NBPF10: variants seen among roughly 807,000 people sequenced by gnomAD.
NBPF10 encodes the protein NBPF family member NBPF10.
Under a neutral mutation model 77.9 loss-of-function variants are expected in NBPF10, and 63 were observed. The ratio of observed to expected loss-of-function variants is 0.81; its 90% CI spans 0.66 to 1.00. The LOEUF is 1.00. NBPF10 is among the 50% of genes least tolerant of loss of function. The pLI is 0.00. For missense variants in NBPF10, 522 were observed against 679.8 expected, an observed-to-expected ratio of 0.77 and a Z score of 2.58; for synonymous variants, 146 against 264.5, an observed-to-expected ratio of 0.55 and a Z score of 4.35.
intron 3 of NBPF10, among the ~76,000 whole-genome samples, chr1:146,140,789 G>A (rs1660214979): frequency 8.3e-6 from 1 of 119,872 alleles, no homozygotes; most frequent in African/African-American, 2.7e-5. Context: ...AAGACCTTTT[G>A]CTTCCCATAT....
chr1:146,139,123 GGA>G (rs1257655677), intron 5 of NBPF10, among the ~76,000 whole-genome samples: 1 of 118,252 alleles, frequency 8.5e-6, no homozygotes, highest in Non-Finnish European at 1.7e-5. Flanking sequence ...TTTTTGAGAT[GGA>G]GTCTCGCTCT....
chr1:146,066,949 C>A (rs1406392476), intron 89 of NBPF10, among the ~76,000 whole-genome samples: 2 of 144,782 alleles, frequency 1.4e-5, no homozygotes, highest in Admixed American at 7.1e-5. Flanking sequence ...GATGCAGTGG[C>A]CATGAGAGTA....
At chr1:146,126,620 C>CACACACAT (rs1658714845) in intron 13 of NBPF10, among the ~76,000 whole-genome samples, 1 of 143,086 alleles carries the variant, frequency 7.0e-6, no homozygotes, top group Non-Finnish European at 1.6e-5. Flanking sequence ...CACACACACA[C>CACACACAT]ACACACACAC....
chr1:146,126,155 G>T (rs1658603885), intron 14 of NBPF10, 81 bp downstream of exon 14: 3 of 903,406 alleles, frequency 3.3e-6, no homozygotes, highest in Admixed American at 1.7e-5. Context: ...TCTCAGCTCA[G>T]TAACGGCCAC....
intron 77 of NBPF10, among the ~76,000 whole-genome samples, chr1:146,076,294 C>CACACACAG (rs1656044704): frequency 1.5e-4 from 2 of 12,962 alleles, no homozygotes; most frequent in Non-Finnish European, 5.2e-4. Context: ...CACACACACA[C>CACACACAG]ACACACACAG....
chr1:146,114,847 C>T (rs1466259433), intron 28 of NBPF10, among the ~76,000 whole-genome samples: 2 of 28,348 alleles, frequency 7.1e-5, no homozygotes, highest in Admixed American at 8.5e-4. Context: ...CAGTATTCAG[C>T]CCTGTCTCAT....
intron 14 of NBPF10, among the ~76,000 whole-genome samples, chr1:146,126,008 T>G (rs1189337147): frequency 4.0e-5 from 6 of 151,736 alleles, no homozygotes; most frequent in African/African-American, 1.5e-4. Context: ...AGAGTAGGAT[T>G]ATGGTGCCAC....
chr1:146,114,108 G>A (rs199877908), intron 29 of NBPF10, among the ~76,000 whole-genome samples: 107 of 4,214 alleles, frequency 0.025, 3 homozygotes, highest in East Asian at 0.086. Context: ...TCCAGGTGAC[G>A]CACTGATGAG....
intron 9 of NBPF10, 142 bp from the exon 10 acceptor site, chr1:146,133,870 T>A: frequency 3.2e-6 from 1 of 309,710 alleles, no homozygotes; most frequent in South Asian, 3.0e-5. Flanking sequence ...AGAGGGAACA[T>A]GCAATCCTGT....
exon 14 of NBPF10, chr1:146,126,283 A>C (rs1437565931): frequency 6.2e-7 from 1 of 1,606,052 alleles, no homozygotes; most frequent in Non-Finnish European, 8.5e-7. Flanking sequence ...CAATATGTAA[A>C]AGGCACTTCT....
At position 146,141,699 on chromosome 1, in the gene NBPF10, G is replaced by A. The variant is rs782439469; in HGVS notation, c.398C>T (p.Pro133Leu). The change falls in exon 3 of 90, where the codon CCG (proline) becomes CTG (leucine). Residue 133 changes from proline to leucine, a missense_variant. Coordinates refer to ENST00000583866, the Ensembl canonical transcript of NBPF10. ...CCCCTGGGACTTGTCCGGCTCATCCGGAGTGAGGAGGGCCTGGAGATGCTC... is the reference window on the plus strand; with the variant it reads ...CCCCTGGGACTTGTCCGGCTCATCCAGAGTGAGGAGGGCCTGGAGATGCTC... 58 of 1,259,380 alleles carry A rather than the reference G, an allele frequency of 4.6e-5. 15 individuals carry two copies. The highest frequency in any genetic ancestry group is 8.5e-5 in the African/African-American group (6 of 70,614). The allele number at this position is 1,259,380 out of a possible 1,614,324, so 78.0% of individuals were successfully genotyped here.
rs587773799 is a variant in NBPF10 at position 146,126,354 on chromosome 1, C to T, written c.1908G>A (p.Gln636=). The T allele has an allele frequency of 1.5e-4, 208 of 1,379,698 alleles. 7 individuals carry two copies. In the South Asian group the frequency reaches 2.3e-3, roughly 16 times the overall value. 85.5% of individuals were successfully genotyped at this position (1,379,698 alleles called of 1,614,324 possible). ...CTGAAGGAGTTGAATAACATCTATCCTGTGAGTCCTGCAAGACTTCAGGCC... is the reference window on the plus strand; with the variant it reads ...CTGAAGGAGTTGAATAACATCTATCTTGTGAGTCCTGCAAGACTTCAGGCC... The change falls in exon 14 of 90, where the codon CAG becomes CAA. Residue 636 remains glutamine, a synonymous_variant. Transcript: ENST00000583866.
At chr1:146,121,892 C>G (rs1306947360) in intron 19 of NBPF10, among the ~76,000 whole-genome samples, 3 of 140,856 alleles carry the variant, frequency 2.1e-5, no homozygotes, top group Non-Finnish European at 4.7e-5. Context: ...GAGACAGAGA[C>G]AGAGAGAAAG....
chr1:146,067,854 C>T (rs1463229800), intron 88 of NBPF10, 149 bp downstream of exon 88: 1 of 699,230 alleles, frequency 1.4e-6, no homozygotes, highest in Non-Finnish European at 2.6e-6. Context: ...CCAGCTGAGA[C>T]TACAGTTTCA....
intron 14 of NBPF10, 124 bp downstream of exon 14, chr1:146,126,112 G>T (rs1553789791): frequency 1.4e-5 from 10 of 712,406 alleles, no homozygotes; most frequent in African/African-American, 8.8e-5. Context: ...CAACCTACAT[G>T]TGCCTATAGG....
At chr1:146,126,147 T>C in intron 14 of NBPF10, 89 bp downstream of exon 14, 1 of 850,236 alleles carries the variant, frequency 1.2e-6, no homozygotes, top group Non-Finnish European at 2.0e-6. Flanking sequence ...ATGACATCTC[T>C]CAGCTCAGTA....
At chr1:146,142,295 AGT>A (rs1660385916) in intron 2 of NBPF10, among the ~76,000 whole-genome samples, 1 of 118,810 alleles carries the variant, frequency 8.4e-6, no homozygotes, top group Non-Finnish European at 1.9e-5. Context: ...GAGAAGACGC[AGT>A]CAGTCAGGAG....
chr1:146,139,412 A>C (rs1284882473), intron 5 of NBPF10, among the ~76,000 whole-genome samples: 3 of 151,460 alleles, frequency 2.0e-5, no homozygotes, highest in African/African-American at 7.2e-5. Context: ...CCCAGCCGAG[A>C]CTTATTAATA....
intron 5 of NBPF10, among the ~76,000 whole-genome samples, chr1:146,139,263 C>CTTT (rs1274652736): frequency 1.4e-5 from 2 of 138,850 alleles, no homozygotes; most frequent in Admixed American, 7.2e-5. Context: ...CCACGCCCAG[C>CTTT]TATTTTTTTT....
Sources: gnomAD v4.1 joint callset for allele counts (sites outside exome capture counted in the v4.1 genomes callset) on GRCh38, gnomAD v4.1.1 for gene constraint, MANE v1.5 for transcripts, NCBI Gene and HGNC (gene_info 2026-07-23, HGNC 2026-07-21) for gene names.